Variants in GRK1 observed in about 807,000 individuals in gnomAD.
GRK1 encodes the protein G protein-coupled receptor kinase 1.
GRK1 carries 28 observed loss-of-function variants against 41.7 expected under a neutral mutation model. The ratio of observed to expected loss-of-function variants is 0.67; its 90% CI spans 0.50 to 0.92. The LOEUF (loss-of-function observed/expected upper bound fraction) is 0.92. Among genes scored for constraint, GRK1 ranks in the 40% least tolerant of loss-of-function variants. GRK1 has a pLI of 0.00. For synonymous variants in GRK1, 327 were observed against 286.7 expected (o/e 1.14, Z -1.42); for missense variants, 703 against 671.2 (o/e 1.05, Z -0.52).
Position 113,734,350 on chromosome 13 carries a change from AG to A in GRK1, c.1397-714del, listed in dbSNP as rs1381417552. On this transcript the variant is annotated intron_variant, in intron 6 of 6. Coordinates refer to ENST00000335678, the MANE Select transcript of GRK1 (RefSeq NM_002929.3). ...GGCTCCAAGGGGTCACAGGATGAGG[AG>A]GGGACCCCGCCCGCCCTGTAAGGAA... 4 of 152,256 alleles carry A rather than the reference AG, an allele frequency of 2.6e-5. 1 individual carries two copies. The South Asian group carries it at 8.3e-4, about 31-fold the overall frequency. 9.4% of individuals were successfully genotyped at this position (152,256 alleles called of 1,614,324 possible). A position where few individuals can be genotyped will look rare whatever the true frequency, so the allele number is the denominator to read the frequency against.
At chr13:113,653,233 C>A in the GRK1 span, 1 of 1,352,856 alleles carries the variant, frequency 7.4e-7, no homozygotes, top group Non-Finnish European at 1.0e-6. Context: ...CACACCTCAC[C>A]CACCCGCCGC....
chr13:113,657,791 G>A, the GRK1 span, among the ~76,000 whole-genome samples: 12 of 152,236 alleles, frequency 7.9e-5, no homozygotes, highest in African/African-American at 2.2e-4. Flanking sequence ...GTCTGTGGAC[G>A]CCCTCCACCG....
the GRK1 span, among the ~76,000 whole-genome samples, chr13:113,649,987 A>T: frequency 2.6e-5 from 4 of 151,828 alleles, no homozygotes; most frequent in Non-Finnish European, 4.4e-5. This position sits in a 1 kb window ranked among gnomAD's most constrained non-coding sequence, Gnocchi z 4.7. Flanking sequence ...ACATACTGAG[A>T]CCCTTTCTCT....
intron 4 of GRK1, among the ~76,000 whole-genome samples, chr13:113,730,703 C>G (rs970800493): frequency 1.1e-4 from 16 of 152,232 alleles, no homozygotes; most frequent in African/African-American, 2.9e-4. Flanking sequence ...CATAGCACTC[C>G]TGGGTCACCG....
At chr13:113,660,213 C>T in the GRK1 span, among the ~76,000 whole-genome samples, 62 of 152,290 alleles carry the variant, frequency 4.1e-4, 1 homozygote, top group East Asian at 5.4e-3. Context: ...TGGCAGCCAC[C>T]GGTCACCCCT....
intron 4 of GRK1, among the ~76,000 whole-genome samples, chr13:113,729,775 G>A (rs149070419): frequency 1.2e-4 from 18 of 148,422 alleles, no homozygotes; most frequent in East Asian, 8.1e-4. Flanking sequence ...CAGTCCCTGC[G>A]GCTGTGCCCA....
At chr13:113,660,312 T>A in the GRK1 span, among the ~76,000 whole-genome samples, 1 of 152,134 alleles carries the variant, frequency 6.6e-6, no homozygotes, top group Non-Finnish European at 1.5e-5. Flanking sequence ...CCTCCCACTG[T>A]GGTGTCAGTG....
the GRK1 span, among the ~76,000 whole-genome samples, chr13:113,657,299 C>G: frequency 1.3e-5 from 2 of 152,200 alleles, no homozygotes; most frequent in Admixed American, 1.3e-4. Flanking sequence ...AGCCGCATCC[C>G]GACGCCCAGG....
At chr13:113,653,673 G>A in the GRK1 span, among the ~76,000 whole-genome samples, 6 of 149,372 alleles carry the variant, frequency 4.0e-5, no homozygotes, top group East Asian at 1.2e-3. Context: ...GGTGGGGGGT[G>A]GGGGGTGGCT....
chr13:113,727,140 TGC>T (rs1443100486), intron 4 of GRK1, among the ~76,000 whole-genome samples: 1 of 152,254 alleles, frequency 6.6e-6, no homozygotes, highest in East Asian at 1.9e-4. Context: ...AGGCCCCATG[TGC>T]CACACAGAGC....
At position 113,669,790 on chromosome 13, in the gene GRK1, C is replaced by A. The variant is rs1171927247; in HGVS notation, c.803C>A (p.Thr268Asn). The change falls in exon 2 of 7, where the codon ACC (threonine) becomes AAC (asparagine). Residue 268 changes from threonine to asparagine, a missense_variant. By Grantham distance (65) the Thr-to-Asn change is moderately conservative. Transcript: ENST00000335678. ...AAAGCCGACCTCTGTCTGGTGATGA[C>A]CATCATGAACGGAGGTGACATCAGG... ...ETKADLCLVM[T>N]IMNGGDIRYH... is the part of the protein sequence containing the mutation. 4 of 1,613,972 alleles carry A rather than the reference C, an allele frequency of 2.5e-6. No homozygotes were observed. The highest frequency in any genetic ancestry group is 3.4e-6 in the Non-Finnish European group (4 of 1,179,858).
chr13:113,649,251 C>A, the GRK1 span: 2 of 1,230,352 alleles, frequency 1.6e-6, no homozygotes, highest in Non-Finnish European at 2.2e-6. This position sits in a 1 kb window ranked among gnomAD's most constrained non-coding sequence, Gnocchi z 4.7. Context: ...ACACTGACAA[C>A]ACCGTTGCTC....
rs1434356761 is a variant in GRK1, at chr13:113,671,370, G to A, written c.828-129G>A. The A allele has an allele frequency of 1.4e-6, 1 of 695,258 alleles. No homozygotes were observed. The highest frequency in any genetic ancestry group is 2.6e-6 in the Non-Finnish European group (1 of 380,668). The allele number at this position is 695,258 out of a possible 1,614,324, so 43.1% of individuals were successfully genotyped here. A position where few individuals can be genotyped will look rare whatever the true frequency, so the allele number is the denominator to read the frequency against. On this transcript the variant is annotated intron_variant, in intron 2 of 6. Coordinates refer to ENST00000335678, the MANE Select transcript of GRK1 (RefSeq NM_002929.3). The surrounding 1 kb of genome is among the most constrained non-coding windows in gnomAD (Gnocchi z 4.1). ...TTCGGGTGTCCTCTGCAGGGACGTAGGGGGGCCAGGCCTCAAAACGACCAG... is the reference window on the plus strand; with the variant it reads ...TTCGGGTGTCCTCTGCAGGGACGTAAGGGGGCCAGGCCTCAAAACGACCAG...
At chr13:113,733,154 G>A (rs937898160) in intron 6 of GRK1, 69 bp downstream of exon 6, 92 of 1,447,188 alleles carry the variant, frequency 6.4e-5, no homozygotes, top group Non-Finnish European at 7.5e-5. Context: ...GTGTCCGCCC[G>A]GTCCAGCCTG....
the GRK1 span, chr13:113,652,923 T>C: frequency 4.3e-6 from 7 of 1,614,124 alleles, no homozygotes; most frequent in Admixed American, 1.7e-5. Flanking sequence ...AAGCCGAAGT[T>C]GGGATCCGCC....
chr13:113,654,883 A>C, the GRK1 span: 1 of 1,614,248 alleles, frequency 6.2e-7, no homozygotes, highest in Non-Finnish European at 8.5e-7. Flanking sequence ...ACATAGAGGC[A>C]CAGGGCGAAG....
rs139708740 is a variant in GRK1 at position 113,735,015 on chromosome 13, C to T, written c.1397-53C>T. ...GGGAGGGGGCTTTTTGGCTAAACGG[C>T]GCTTCCTTCCCACCACGAGGAGCCT... On this transcript the variant is annotated intron_variant, in intron 6 of 6. Transcript: ENST00000335678. 2.1e-3 allele frequency: 3,050 copies of T among 1,437,904 alleles called. 36 individuals carry two copies. The African/African-American group carries it at 0.037, about 18-fold the overall frequency. The allele number at this position is 1,437,904 out of a possible 1,614,324, so 89.1% of individuals were successfully genotyped here. A position where few individuals can be genotyped will look rare whatever the true frequency, so the allele number is the denominator to read the frequency against.
rs1447955332 is a variant in GRK1, at chr13:113,733,844, CATGTGT to C, written c.1396+766_1396+771del. ...GTGCGTGTGTGTGCACGTGCGTGTGCATGTGTATGTGTGCATACGTGTGTGCGTGTG... is the reference window on the plus strand; with the variant it reads ...GTGCGTGTGTGTGCACGTGCGTGTGCATGTGTGCATACGTGTGTGCGTGTG... On this transcript the variant is annotated intron_variant, in intron 6 of 6. Coordinates refer to ENST00000335678, the MANE Select transcript of GRK1 (RefSeq NM_002929.3). Among the ~76,000 whole-genome samples the C allele has an allele frequency of 1.5e-4, 13 of 84,164 alleles. No homozygotes were observed. The East Asian group carries it at 2.4e-3, about 15-fold the overall frequency. The allele number at this position is 84,164 out of a possible 152,430, so 55.2% of individuals were successfully genotyped here.
At chr13:113,733,881 ACG>A (rs2049972470) in intron 6 of GRK1, among the ~76,000 whole-genome samples, 1 of 88,330 alleles carries the variant, frequency 1.1e-5, no homozygotes, top group African/African-American at 4.2e-5. Flanking sequence ...GTGTGTGCAT[ACG>A]TGTGTGCGTG....
Sources: gnomAD v4.1 joint callset for allele counts (sites outside exome capture counted in the v4.1 genomes callset) on GRCh38, gnomAD v4.1.1 for gene constraint, Gnocchi (gnomAD v3.1) non-coding constraint, MANE v1.5 for transcripts, NCBI Gene and HGNC (gene_info 2026-07-23, HGNC 2026-07-21) for gene names.